The following RERG variants were observed in gnomAD, a reference collection of about 807,000 sequenced individuals.
The protein encoded by RERG is ras-related and estrogen-regulated growth inhibitor.
RERG carries 25 observed loss-of-function variants against 23.2 expected under a neutral mutation model. The ratio of observed to expected loss-of-function variants is 1.08; its 90% CI spans 0.79 to 1.50. The LOEUF is 1.50. Ranked by LOEUF, RERG falls within the 40% of genes most tolerant of loss-of-function variation. The pLI, the probability that RERG is intolerant of heterozygous loss-of-function variation, is 0.00. For missense variants in RERG, 253 were observed against 250.1 expected (o/e 1.01, Z -0.08); for synonymous variants, 81 against 89.1 (o/e 0.91, Z 0.51).
chr12:15,138,482 G>A (rs996836339), intron 2 of RERG, among the ~76,000 whole-genome samples: 24 of 151,770 alleles, frequency 1.6e-4, no homozygotes, highest in African/African-American at 5.8e-4. Context: ...AAGAGACTGA[G>A]GAAAAAGGCA....
At chr12:15,160,413 A>G (rs184866091) in intron 2 of RERG, among the ~76,000 whole-genome samples, 1 of 152,250 alleles carries the variant, frequency 6.6e-6, no homozygotes, top group East Asian at 1.9e-4. Context: ...ACTTTTGTTA[A>G]GGGCTTTTCA....
chr12:15,132,696 C>A (rs533473554), intron 2 of RERG, among the ~76,000 whole-genome samples: 1 of 152,266 alleles, frequency 6.6e-6, no homozygotes, highest in South Asian at 2.1e-4. Context: ...TCCTTCTCAG[C>A]ATTAGAATAT....
chr12:15,173,085 T>C (rs950188936), intron 2 of RERG, among the ~76,000 whole-genome samples: 1 of 152,060 alleles, frequency 6.6e-6, no homozygotes, highest in Non-Finnish European at 1.5e-5. Context: ...TCTTAGGTTT[T>C]ATTCTAAAAA....
At chr12:15,194,424 A>G (rs1381363522) in intron 2 of RERG, among the ~76,000 whole-genome samples, 1 of 152,182 alleles carries the variant, frequency 6.6e-6, no homozygotes, top group Middle Eastern at 3.4e-3. Context: ...TCCCCTCAGA[A>G]CATGTGCTTT....
intron 2 of RERG, among the ~76,000 whole-genome samples, chr12:15,128,054 T>G (rs529847395): frequency 7.2e-5 from 11 of 152,332 alleles, no homozygotes; most frequent in African/African-American, 2.6e-4. Context: ...TATACAATAC[T>G]TTTCCACTGT....
chr12:15,130,056 G>C (rs919130942), intron 2 of RERG, among the ~76,000 whole-genome samples: 11 of 152,174 alleles, frequency 7.2e-5, no homozygotes, highest in Admixed American at 3.9e-4. Context: ...TTGAACATAA[G>C]ACATTAATGA....
intron 2 of RERG, among the ~76,000 whole-genome samples, chr12:15,150,069 C>T (rs934821727): frequency 2.0e-5 from 3 of 151,984 alleles, no homozygotes; most frequent in Non-Finnish European, 2.9e-5. Context: ...GGGGAAAGGA[C>T]GGGGAGGGAG....
At chr12:15,213,901 T>A (rs2136149337) in intron 2 of RERG, among the ~76,000 whole-genome samples, 1 of 152,288 alleles carries the variant, frequency 6.6e-6, no homozygotes, top group African/African-American at 2.4e-5. Flanking sequence ...AGATTAAATA[T>A]AAGCCATACG....
At chr12:15,134,906 C>T (rs1158055329) in intron 2 of RERG, among the ~76,000 whole-genome samples, 2 of 152,122 alleles carry the variant, frequency 1.3e-5, no homozygotes, top group Non-Finnish European at 2.9e-5. Context: ...TCACCATGCC[C>T]AGCCTCCATA....
intron 2 of RERG, among the ~76,000 whole-genome samples, chr12:15,167,045 G>C (rs1003751242): frequency 6.6e-6 from 1 of 152,082 alleles, no homozygotes; most frequent in Non-Finnish European, 1.5e-5. Context: ...AGCAAGGCAG[G>C]TCTTATTAAG....
intron 2 of RERG, among the ~76,000 whole-genome samples, chr12:15,198,626 T>G (rs1329831180): frequency 6.6e-6 from 1 of 152,162 alleles, no homozygotes; most frequent in Non-Finnish European, 1.5e-5. Flanking sequence ...CAATCAAATT[T>G]ACTATCATAG....
intron 2 of RERG, among the ~76,000 whole-genome samples, chr12:15,153,825 G>A (rs937805912): frequency 3.3e-5 from 5 of 152,154 alleles, no homozygotes; most frequent in Non-Finnish European, 5.9e-5. Flanking sequence ...ATCTGTGAAT[G>A]TGACCTTATT....
intron 2 of RERG, among the ~76,000 whole-genome samples, chr12:15,158,097 T>C (rs556013996): frequency 9.5e-4 from 145 of 152,204 alleles, no homozygotes; most frequent in Middle Eastern, 6.8e-3. Flanking sequence ...TATCAGAAAA[T>C]TTAACATGAT....
intron 2 of RERG, among the ~76,000 whole-genome samples, chr12:15,188,627 T>TA (rs1389055982): frequency 6.6e-6 from 1 of 152,296 alleles, no homozygotes; most frequent in African/African-American, 2.4e-5. Context: ...TGAACTTTTT[T>TA]AAAAAAATTA....
chr12:15,149,094 C>T (rs888537692), intron 2 of RERG, among the ~76,000 whole-genome samples: 1 of 151,728 alleles, frequency 6.6e-6, no homozygotes, highest in African/African-American at 2.4e-5. Context: ...TGGTCTCAAT[C>T]TCCTGACCTC....
At chr12:15,174,145 T>C (rs1864813693) in intron 2 of RERG, among the ~76,000 whole-genome samples, 1 of 152,060 alleles carries the variant, frequency 6.6e-6, no homozygotes, top group Non-Finnish European at 1.5e-5. Flanking sequence ...TGTCTGGTAG[T>C]GTTTAATTTT....
chr12:15,167,518 T>G (rs1055451741), intron 2 of RERG, among the ~76,000 whole-genome samples: 14 of 152,166 alleles, frequency 9.2e-5, no homozygotes, highest in African/African-American at 3.1e-4. Context: ...GTGCTGGTGC[T>G]GCTGCTCTTA....
At chr12:15,169,950 G>GTGTC (rs1864754416) in intron 2 of RERG, among the ~76,000 whole-genome samples, 1 of 149,862 alleles carries the variant, frequency 6.7e-6, no homozygotes, top group Non-Finnish European at 1.5e-5. Flanking sequence ...GTGTGTGTGT[G>GTGTC]TGTGTGTGTG....
chr12:15,164,343 T>C (rs1864655944), intron 2 of RERG, among the ~76,000 whole-genome samples: 1 of 152,226 alleles, frequency 6.6e-6, no homozygotes, highest in African/African-American at 2.4e-5. Context: ...ATAAAGCTAA[T>C]GTCCAGCTTA....
Sources: allele counts gnomAD v4.1 joint callset (sites outside exome capture counted in the v4.1 genomes callset), GRCh38; gene constraint gnomAD v4.1.1; transcripts MANE v1.5; gene names NCBI Gene and HGNC (gene_info 2026-07-23, HGNC 2026-07-21).